Variants in PRKCA observed in about 807,000 individuals in gnomAD.
PRKCA encodes the protein protein kinase C alpha type.
In PRKCA, 27 loss-of-function variants were observed where a neutral mutation model predicts 87.0. That is an observed-to-expected ratio of 0.31 (90% CI 0.23 to 0.43). The LOEUF (loss-of-function observed/expected upper bound fraction) is 0.43. PRKCA is among the 20% of genes least tolerant of loss of function. The pLI, the probability that PRKCA is intolerant of heterozygous loss-of-function variation, is 1.00. For missense variants in PRKCA, 518 were observed against 852.3 expected (o/e 0.61, Z 4.88); for synonymous variants, 329 against 311.1 (o/e 1.06, Z -0.61).
chr17:66,774,575 C>T (rs1031585625), intron 14 of PRKCA: 44 of 937,646 alleles, frequency 4.7e-5, no homozygotes, highest in African/African-American at 5.3e-5. Context: ...GAGCCAAGAT[C>T]GTGCCACTGC....
At chr17:66,542,617 A>G (rs575765792) in intron 3 of PRKCA, among the ~76,000 whole-genome samples, 3 of 152,122 alleles carry the variant, frequency 2.0e-5, no homozygotes, top group Non-Finnish European at 2.9e-5. Flanking sequence ...AGGAAGTGTG[A>G]GAATTCTTCA....
intron 2 of PRKCA, among the ~76,000 whole-genome samples, chr17:66,408,870 G>A (rs993692858): frequency 4.6e-5 from 7 of 151,690 alleles, no homozygotes; most frequent in African/African-American, 1.7e-4. Context: ...TGGCCAACAC[G>A]ATGAAACCCT....
chr17:66,523,132 G>A (rs910609240), intron 3 of PRKCA, among the ~76,000 whole-genome samples: 3 of 152,128 alleles, frequency 2.0e-5, no homozygotes, highest in Non-Finnish European at 4.4e-5. Flanking sequence ...GCTTGGGTCA[G>A]GTTCTGGTCA....
intron 2 of PRKCA, chr17:66,340,006 G>T (rs1817552274): frequency 6.6e-6 from 1 of 152,190 alleles, no homozygotes; most frequent in African/African-American, 2.4e-5. Flanking sequence ...CCTATTACAT[G>T]AGCTAAATGT....
At chr17:66,573,224 G>T (rs1232043970) in intron 3 of PRKCA, among the ~76,000 whole-genome samples, 1 of 152,160 alleles carries the variant, frequency 6.6e-6, no homozygotes. Flanking sequence ...GTGGATAAAA[G>T]GACCTTGTAA....
At chr17:66,646,406 C>A (rs1971457011) in intron 5 of PRKCA, among the ~76,000 whole-genome samples, 1 of 152,164 alleles carries the variant, frequency 6.6e-6, no homozygotes, top group Non-Finnish European at 1.5e-5. Flanking sequence ...TACCATGACC[C>A]ACTCCATGTT....
At position 66,688,453 on chromosome 17, in the gene PRKCA, G is replaced by A. The variant is rs773882158; in HGVS notation, c.821+17G>A. On this transcript the variant is annotated intron_variant, in intron 7 of 16. Coordinates refer to ENST00000413366, the MANE Select transcript of PRKCA (RefSeq NM_002737.3). ...CAGTGGATGGTATGGAAGCCGCTTA[G>A]GTTGAGTATGTCTCAAAGCATCAGA... 28 of 1,613,874 alleles carry A rather than the reference G, an allele frequency of 1.7e-5. No homozygotes were observed. Among genetic ancestry groups the A allele is most frequent in the Non-Finnish European group, 2.2e-5 (26 of 1,179,944 alleles).
At chr17:66,303,073 T>TCCCGGCA in intron 1 of PRKCA, 49 bp downstream of exon 1, 2 of 1,577,520 alleles carry the variant, frequency 1.3e-6, no homozygotes, top group Non-Finnish European at 1.7e-6. Flanking sequence ...CGCCTCCGGG[T>TCCCGGCA]CCCGGCACCC....
At chr17:66,448,980 T>TAAAAA (rs58373500) in intron 2 of PRKCA, among the ~76,000 whole-genome samples, 1 of 140,604 alleles carries the variant, frequency 7.1e-6, no homozygotes, top group African/African-American at 2.6e-5. Context: ...ACTCTAAACT[T>TAAAAA]AAAAAAAAAA....
chr17:66,450,328 G>A (rs1914248328), intron 2 of PRKCA, among the ~76,000 whole-genome samples: 1 of 152,236 alleles, frequency 6.6e-6, no homozygotes, highest in Non-Finnish European at 1.5e-5. Flanking sequence ...CTTAGTCACA[G>A]TCTCCTTGTC....
intron 2 of PRKCA, among the ~76,000 whole-genome samples, chr17:66,338,115 A>ATTTTTTTTTTTTT (rs1906819559): frequency 6.9e-6 from 1 of 145,892 alleles, no homozygotes; most frequent in African/African-American, 2.8e-5. Context: ...TTCCTAAGGC[A>ATTTTTTTTTTTTT]TTTTGAAAAT....
chr17:66,354,023 G>A (rs1203993770), intron 2 of PRKCA, among the ~76,000 whole-genome samples: 1 of 152,110 alleles, frequency 6.6e-6, no homozygotes, highest in Non-Finnish European at 1.5e-5. Flanking sequence ...AGTTTATCTT[G>A]AAATTTTATG....
intron 2 of PRKCA, among the ~76,000 whole-genome samples, chr17:66,456,202 C>G (rs1598687889): frequency 1.3e-5 from 2 of 152,268 alleles, no homozygotes; most frequent in African/African-American, 4.8e-5. Context: ...CCATCAATGC[C>G]TTGATTCCAG....
chr17:66,484,024 C>T (rs902025821), intron 2 of PRKCA, among the ~76,000 whole-genome samples: 1 of 152,144 alleles, frequency 6.6e-6, no homozygotes, highest in African/African-American at 2.4e-5. Context: ...ACAGTTAGTT[C>T]TGCATGGCTG....
At chr17:66,626,021 A>G (rs566786014) in intron 3 of PRKCA, among the ~76,000 whole-genome samples, 3 of 152,316 alleles carry the variant, frequency 2.0e-5, no homozygotes, top group East Asian at 3.9e-4. Flanking sequence ...CTCTGCCCCC[A>G]GCAGCATCCT....
intron 3 of PRKCA, among the ~76,000 whole-genome samples, chr17:66,550,280 C>T (rs1598760520): frequency 6.6e-6 from 1 of 152,158 alleles, no homozygotes; most frequent in Admixed American, 6.6e-5. Flanking sequence ...GGGTGTAGGT[C>T]CTTGGGGAAA....
At chr17:66,777,686 C>A in intron 14 of PRKCA, 1 of 985,324 alleles carries the variant, frequency 1.0e-6, no homozygotes. Flanking sequence ...ATGTTCAGCT[C>A]TTGAGTCTGG....
At chr17:66,511,068 T>G (rs2671930) in intron 3 of PRKCA, among the ~76,000 whole-genome samples, 53,041 of 151,860 alleles carry the variant, frequency 0.35, 10,220 homozygotes, top group Middle Eastern at 0.49. Context: ...GCATTTTTTT[T>G]CGTGTCATAA....
intron 5 of PRKCA, 96 bp from the exon 6 acceptor site, chr17:66,687,015 T>C (rs939095755): frequency 8.7e-7 from 1 of 1,147,920 alleles, no homozygotes; most frequent in Admixed American, 2.3e-5. Context: ...AACGCCATTC[T>C]GACGTCTCTT....
Sources: allele counts gnomAD v4.1 joint callset (sites outside exome capture counted in the v4.1 genomes callset), GRCh38; gene constraint gnomAD v4.1.1; transcripts MANE v1.5; gene names NCBI Gene and HGNC (gene_info 2026-07-23, HGNC 2026-07-21).